The following ANKS1A variants were observed in gnomAD, a reference collection of about 807,000 sequenced individuals.
ANKS1A encodes the protein ankyrin repeat and sterile alpha motif domain containing 1A, also known as ankyrin repeat and SAM domain-containing protein 1A.
In ANKS1A, 55 loss-of-function variants were observed where a neutral mutation model predicts 120.3. The observed-to-expected ratio is 0.46, with a 90% CI of 0.37 to 0.57. The LOEUF (loss-of-function observed/expected upper bound fraction) is 0.57. Among genes scored for constraint, ANKS1A ranks in the 20% least tolerant of loss-of-function variants. ANKS1A has a pLI of 0.00. For synonymous variants in ANKS1A, 590 were observed against 604.7 expected (o/e 0.98, Z 0.36); for missense variants, 1,123 against 1,480.3 (o/e 0.76, Z 3.96).
Position 35,085,720 on chromosome 6 carries a change from G to C in ANKS1A, c.3133-46G>C. 1 of 1,534,408 alleles carries C rather than the reference G, an allele frequency of 6.5e-7. No individual in the cohort carries two copies. The highest frequency in any genetic ancestry group is 8.8e-7 in the Non-Finnish European group (1 of 1,140,694). ...CGAGGAAGGGCATATCCAGTGTGAA[G>C]CGGCTCCTGAACCAGGTGCTTAAGT... On this transcript the variant is annotated intron_variant, in intron 21 of 23. Transcript: ENST00000360359. This position sits in a 1 kb window ranked among gnomAD's most constrained non-coding sequence, Gnocchi z 4.7.
At chr6:35,093,148 A>G (rs1778357845), downstream of ANKS1A, among the ~76,000 whole-genome samples, 1 of 152,170 alleles carries the variant, frequency 6.6e-6, no homozygotes. Flanking sequence ...TCCTCCGTGC[A>G]GCCTCTACGA....
At chr6:35,026,155 T>C (rs756853392) in intron 11 of ANKS1A, among the ~76,000 whole-genome samples, 4 of 152,228 alleles carry the variant, frequency 2.6e-5, no homozygotes, top group Non-Finnish European at 5.9e-5. Flanking sequence ...TTTTATACTT[T>C]GGTTCTGGTT....
chr6:34,941,544 A>C (rs1242354440), intron 1 of ANKS1A, among the ~76,000 whole-genome samples: 3 of 152,228 alleles, frequency 2.0e-5, no homozygotes, highest in Non-Finnish European at 2.9e-5. Context: ...TTGGGATTAC[A>C]GGCATGAGCC....
chr6:35,067,302 C>T (rs1776824360), intron 13 of ANKS1A, among the ~76,000 whole-genome samples: 1 of 152,108 alleles, frequency 6.6e-6, no homozygotes, highest in Non-Finnish European at 1.5e-5. Flanking sequence ...AACATGTGCT[C>T]CCCCTCCTCT....
chr6:34,973,938 C>T (rs1581575439), intron 3 of ANKS1A, among the ~76,000 whole-genome samples: 1 of 89,914 alleles, frequency 1.1e-5, no homozygotes. Flanking sequence ...CTTCCCTTCC[C>T]CTTCCCCTTC....
chr6:34,938,681 AAG>A (rs1416954464), intron 1 of ANKS1A, among the ~76,000 whole-genome samples: 1 of 147,986 alleles, frequency 6.8e-6, no homozygotes, highest in African/African-American at 2.6e-5. Flanking sequence ...CTGAGTTTGA[AAG>A]AGTCTTATAA....
At chr6:34,988,453 A>G (rs1254292015) in intron 8 of ANKS1A, among the ~76,000 whole-genome samples, 2 of 152,122 alleles carry the variant, frequency 1.3e-5, no homozygotes, top group Non-Finnish European at 2.9e-5. Context: ...AAAATTAGCC[A>G]GGCGTGGTGG....
At chr6:34,929,712 A>G (rs11961101) in intron 1 of ANKS1A, among the ~76,000 whole-genome samples, 353 of 152,016 alleles carry the variant, frequency 2.3e-3, no homozygotes, top group African/African-American at 7.7e-3. Flanking sequence ...TGCCTTTTCC[A>G]TTAGGTCTTT....
chr6:35,010,906 A>C (rs1773726682), intron 10 of ANKS1A, among the ~76,000 whole-genome samples: 1 of 152,246 alleles, frequency 6.6e-6, no homozygotes, highest in Non-Finnish European at 1.5e-5. Context: ...TAAAGAGAGC[A>C]GAAGAGATGA....
Position 34,889,975 on chromosome 6 carries a change from C to T in ANKS1A, c.197+376C>T, listed in dbSNP as rs920662621. On this transcript the variant is annotated intron_variant, in intron 1 of 23. Coordinates refer to ENST00000360359, the MANE Select transcript of ANKS1A (RefSeq NM_015245.3). This position sits in a 1 kb window ranked among gnomAD's most constrained non-coding sequence, Gnocchi z 5.5. ...ATATATATATATGAGATCTCCCTCA[C>T]CTCCTGCAGAAACTCCTACGCCTTG... 6.6e-5 allele frequency among the ~76,000 whole-genome samples: 10 copies of T among 152,170 alleles called. No individual in the cohort carries two copies. Among genetic ancestry groups the T allele is most frequent in the African/African-American group, 2.2e-4 (9 of 41,424 alleles).
chr6:34,950,266 GCCCA>G (rs1388410438), intron 1 of ANKS1A, among the ~76,000 whole-genome samples: 2 of 125,610 alleles, frequency 1.6e-5, no homozygotes, highest in African/African-American at 6.5e-5. Flanking sequence ...TTGCTCTGTC[GCCCA>G]GGCTGGAGTA....
chr6:35,059,587 G>A (rs1776382569), intron 12 of ANKS1A, among the ~76,000 whole-genome samples: 1 of 152,214 alleles, frequency 6.6e-6, no homozygotes, highest in Admixed American at 6.5e-5. Context: ...GTGTGCCTGT[G>A]TCCCTCAGCT....
chr6:35,088,596 T>C lies in ANKS1A; in HGVS notation c.3402-10T>C. 1 of 1,614,234 alleles carries C rather than the reference T, an allele frequency of 6.2e-7. No homozygotes were observed. Among genetic ancestry groups the C allele is most frequent in the Non-Finnish European group, 8.5e-7 (1 of 1,180,024 alleles). On this transcript the variant is annotated splice_polypyrimidine_tract_variant and intron_variant, in intron 23 of 23. Transcript: ENST00000360359. ...ACCCTTTCCTCCCCCCATTGTTTGC[T>C]TCTGCCAAGCTGAGCCACTGAGGAA...
chr6:34,975,585 C>A (rs1274585056), intron 3 of ANKS1A, among the ~76,000 whole-genome samples: 1 of 151,754 alleles, frequency 6.6e-6, no homozygotes, highest in Non-Finnish European at 1.5e-5. Context: ...ATAATGCGAT[C>A]CCATCTCTAG....
chr6:35,031,799 A>T (rs1345910456), intron 11 of ANKS1A, among the ~76,000 whole-genome samples: 3 of 152,198 alleles, frequency 2.0e-5, no homozygotes, highest in African/African-American at 7.2e-5. Flanking sequence ...TGCATGATTC[A>T]CCAGAGAATG....
intron 11 of ANKS1A, among the ~76,000 whole-genome samples, chr6:35,038,972 GT>G (rs1775316659): frequency 6.6e-6 from 1 of 152,024 alleles, no homozygotes; most frequent in East Asian, 1.9e-4. Context: ...TCTGCCCATG[GT>G]AATATATTAT....
intron 1 of ANKS1A, among the ~76,000 whole-genome samples, chr6:34,924,831 T>G (rs1353837551): frequency 1.3e-5 from 2 of 152,192 alleles, no homozygotes; most frequent in South Asian, 2.1e-4. Context: ...CTTGGCTCAC[T>G]GCAACCTCAG....
chr6:34,957,287 C>T (rs1464747849), intron 1 of ANKS1A, among the ~76,000 whole-genome samples: 4 of 152,180 alleles, frequency 2.6e-5, no homozygotes, highest in Non-Finnish European at 4.4e-5. Context: ...TGTGTTTTGT[C>T]TTCCCTTGAA....
chr6:35,088,392 G>GT (rs1304623004), intron 23 of ANKS1A, among the ~76,000 whole-genome samples: 1 of 152,152 alleles, frequency 6.6e-6, no homozygotes, highest in African/African-American at 2.4e-5. Flanking sequence ...TGGGTCCTGC[G>GT]TACCCACCCA....
Sources: gnomAD v4.1 joint callset for allele counts (sites outside exome capture counted in the v4.1 genomes callset) on GRCh38, gnomAD v4.1.1 for gene constraint, Gnocchi (gnomAD v3.1) non-coding constraint, MANE v1.5 for transcripts, NCBI Gene and HGNC (gene_info 2026-07-23, HGNC 2026-07-21) for gene names.